LMF1: variants seen among roughly 807,000 people sequenced by gnomAD.
The protein encoded by LMF1 is transmembrane protein 112.
LMF1 carries 68 observed loss-of-function variants against 60.6 expected under a neutral mutation model. That is an observed-to-expected ratio of 1.12 (90% CI 0.92 to 1.37). The LOEUF (loss-of-function observed/expected upper bound fraction) is 1.37, where lower values mean the gene tolerates loss of function less well. Ranked by LOEUF, LMF1 falls within the 40% of genes most tolerant of loss-of-function variation. LMF1 has a pLI of 0.00. For missense variants in LMF1, 948 were observed against 767.2 expected (o/e 1.24, Z -2.78); for synonymous variants, 418 against 324.7 (o/e 1.29, Z -3.09).
At position 874,465 on chromosome 16, in the gene LMF1, T is replaced by C. The variant is rs2069909662; in HGVS notation, c.898-3124A>G. Among the ~76,000 whole-genome samples the C allele has an allele frequency of 6.6e-6, 1 of 152,184 alleles. No homozygotes were observed. The highest frequency in any genetic ancestry group is 2.4e-5 in the African/African-American group (1 of 41,442). On this transcript the variant is annotated intron_variant, in intron 6 of 10. Transcript: ENST00000262301. The surrounding 1 kb of genome is among the most constrained non-coding windows in gnomAD (Gnocchi z 4.1). ...GGCAGTCCGGGGCTGCGTCTCCCTG[T>C]CACCAGTGCCCTAGTGGAGGCTGAT... is the stretch of plus-strand genomic sequence containing the variant.
rs759877498 is a variant in LMF1, at chr16:868,937, A to G, written c.1529+7T>C. 6.9e-6 allele frequency: 11 copies of G among 1,583,268 alleles called. No homozygotes were observed. The Admixed American group carries it at 1.8e-4, about 26-fold the overall frequency. ...ACCCCTGAGCAGCGGCAGGGAGGGCATCCTACCTGGGCGGGGGCCTGCCCG... is the reference window on the plus strand; with the variant it reads ...ACCCCTGAGCAGCGGCAGGGAGGGCGTCCTACCTGGGCGGGGGCCTGCCCG... On this transcript the variant is annotated splice_region_variant and intron_variant, in intron 10 of 10. Coordinates refer to ENST00000262301, the MANE Select transcript of LMF1 (RefSeq NM_022773.4).
In LMF1 at chr16:869,931, G is replaced by T. The variant is rs746437313; in HGVS notation, c.1368C>A (p.Ser456=). ...GCCAGTCCAGGCGGTAGTGGTACGG[G>T]GAGATGAGGCAGGGCCGTCTGCTGG... is the stretch of plus-strand genomic sequence containing the variant. ...GDPSRRPCLI[S]PYHYRLDWLM... The change falls in exon 9 of 11, where the codon TCC becomes TCA. Residue 456 remains serine (S), a synonymous_variant. Coordinates refer to ENST00000262301, the MANE Select transcript of LMF1 (RefSeq NM_022773.4). 1.2e-6 allele frequency: 2 copies of T among 1,613,192 alleles called. No individual in the cohort carries two copies. Among genetic ancestry groups the T allele is most frequent in the African/African-American group, 2.7e-5 (2 of 74,952 alleles).
chr16:937,138 C>T, intron 2 of LMF1, among the ~76,000 whole-genome samples: 1 of 152,204 alleles, frequency 6.6e-6, no homozygotes, highest in East Asian at 1.9e-4. Flanking sequence ...TGTCACTTCA[C>T]CTGCTTTGAA....
At chr16:901,424 C>T (rs117647255) in intron 4 of LMF1, 6,660 of 152,264 alleles carry the variant, frequency 0.044, 216 homozygotes, top group Middle Eastern at 0.099. Flanking sequence ...GTAGGCAGAC[C>T]CACCCCCGCC....
intron 1 of LMF1, chr16:977,233 G>A (rs773778046): frequency 6.1e-5 from 24 of 393,194 alleles, no homozygotes; most frequent in Admixed American, 2.0e-4. Context: ...ACCGGAACTC[G>A]TGCCCCAGCT....
chr16:914,975 G>C (rs982103764), intron 3 of LMF1, among the ~76,000 whole-genome samples: 2 of 152,230 alleles, frequency 1.3e-5, no homozygotes, highest in African/African-American at 4.8e-5. Context: ...GCCCTAAATC[G>C]GCGTCTCTAA....
chr16:971,037 C>A (rs558010793), upstream of LMF1: 17 of 1,360,568 alleles, frequency 1.2e-5, no homozygotes, highest in East Asian at 2.7e-4. Flanking sequence ...CCCGCCCATT[C>A]TCGGAGGCCC....
At chr16:907,216 A>G (rs901091003) in intron 4 of LMF1, among the ~76,000 whole-genome samples, 6 of 152,086 alleles carry the variant, frequency 3.9e-5, no homozygotes, top group Non-Finnish European at 8.8e-5. Flanking sequence ...CCCGGCTAAC[A>G]CGGTGAAACC....
rs1477818465 is a variant in LMF1 at position 857,500 on chromosome 16, G to C, written c.1530-2794C>G. Among the ~76,000 whole-genome samples the C allele has an allele frequency of 1.2e-3, 137 of 117,926 alleles. 2 individuals carry two copies. The highest frequency in any genetic ancestry group is 4.6e-3 in the African/African-American group (128 of 28,108). 77.4% of individuals were successfully genotyped at this position (117,926 alleles called of 152,430 possible). A position where few individuals can be genotyped will look rare whatever the true frequency, so the allele number is the denominator to read the frequency against. On this transcript the variant is annotated intron_variant, in intron 10 of 10. Coordinates refer to ENST00000262301, the MANE Select transcript of LMF1 (RefSeq NM_022773.4). ...GAGTGGTGTCACCGGACGGGTGTGA[G>C]TGGTGTCTCGGGACGGGTGTGAGTG...
chr16:946,169 T>C (rs1396978906), intron 2 of LMF1, among the ~76,000 whole-genome samples: 1 of 152,208 alleles, frequency 6.6e-6, no homozygotes, highest in African/African-American at 2.4e-5. Context: ...ATGGGAGTTC[T>C]TTCGCCTTAG....
chr16:977,075 G>A (rs1401046868), intron 1 of LMF1: 1 of 454,148 alleles, frequency 2.2e-6, no homozygotes, highest in East Asian at 7.0e-5. Flanking sequence ...TGGCTACAGA[G>A]GCCCAGAAAG....
At chr16:856,550 C>T (rs925059017) in intron 10 of LMF1, among the ~76,000 whole-genome samples, 8 of 152,222 alleles carry the variant, frequency 5.3e-5, no homozygotes, top group Non-Finnish European at 1.0e-4. Flanking sequence ...GCCCATCTTT[C>T]CCAAATTCCT....
chr16:882,354 C>T lies in LMF1; in HGVS notation c.730-2617G>A, dbSNP rs148201499. Among the ~76,000 whole-genome samples the T allele has an allele frequency of 7.7e-4, 117 of 152,324 alleles. No individual in the cohort carries two copies. The East Asian group carries it at 0.018, about 23-fold the overall frequency. On this transcript the variant is annotated intron_variant, in intron 5 of 10. Coordinates refer to ENST00000262301, the MANE Select transcript of LMF1 (RefSeq NM_022773.4). ...CTCAGCTTTGGCCAAGAGAATGCAG[C>T]GTGAGTGATGTTCTGAACTTTCAAG...
At chr16:955,719 CAT>C (rs1463657756) in intron 1 of LMF1, among the ~76,000 whole-genome samples, 24 of 152,232 alleles carry the variant, frequency 1.6e-4, no homozygotes, top group African/African-American at 3.6e-4. Flanking sequence ...GTAAAGTAGA[CAT>C]GTGTATATAA....
intron 3 of LMF1, among the ~76,000 whole-genome samples, chr16:930,178 G>A (rs1250004283): frequency 7.1e-6 from 1 of 141,456 alleles, no homozygotes; most frequent in Non-Finnish European, 1.6e-5. Flanking sequence ...ACAGAGCCCA[G>A]GACAGCAGCG....
intron 4 of LMF1, among the ~76,000 whole-genome samples, chr16:894,128 C>T (rs1429094931): frequency 6.9e-6 from 1 of 144,588 alleles, no homozygotes; most frequent in Non-Finnish European, 1.5e-5. Flanking sequence ...ACCGGACCGT[C>T]TGCCCACCCG....
intron 10 of LMF1, among the ~76,000 whole-genome samples, chr16:859,104 GC>G (rs1485939848): frequency 7.0e-5 from 9 of 128,828 alleles, no homozygotes; most frequent in East Asian, 2.3e-4. Context: ...GGACGGGTGT[GC>G]AGTGATGTCT....
intron 10 of LMF1, among the ~76,000 whole-genome samples, chr16:866,272 G>T (rs1440515730): frequency 6.6e-6 from 1 of 152,192 alleles, no homozygotes; most frequent in Non-Finnish European, 1.5e-5. Context: ...AGAGACAGGG[G>T]TATTACCTTG....
chr16:975,447 G>A (rs562697154), upstream of LMF1, among the ~76,000 whole-genome samples: 11 of 152,278 alleles, frequency 7.2e-5, no homozygotes, highest in Middle Eastern at 3.4e-3. Context: ...ATCAGTCACC[G>A]TGTAGCGGTC....
Sources: allele counts gnomAD v4.1 joint callset (sites outside exome capture counted in the v4.1 genomes callset), GRCh38; gene constraint gnomAD v4.1.1; non-coding constraint Gnocchi (gnomAD v3.1); transcripts MANE v1.5; gene names NCBI Gene and HGNC (gene_info 2026-07-23, HGNC 2026-07-21).